The following SLC1A2 variants were observed in gnomAD, a reference collection of about 807,000 sequenced individuals.
SLC1A2 encodes the protein excitatory amino acid transporter 2.
Under a neutral mutation model 48.8 loss-of-function variants are expected in SLC1A2, and 15 were observed. The observed-to-expected ratio is 0.31, with a 90% CI of 0.21 to 0.47. The LOEUF (loss-of-function observed/expected upper bound fraction) is 0.47, where lower values mean the gene tolerates loss of function less well. Ranked by LOEUF, SLC1A2 falls within the 20% of genes least tolerant of loss-of-function variation. The pLI, the probability that SLC1A2 is intolerant of heterozygous loss-of-function variation, is 0.99. For synonymous variants in SLC1A2, 279 were observed against 272.6 expected (o/e 1.02, Z -0.23); for missense variants, 502 against 730.5 (o/e 0.69, Z 3.61).
intron 1 of SLC1A2, among the ~76,000 whole-genome samples, chr11:35,376,893 A>G (rs2135187617): frequency 6.6e-6 from 1 of 152,316 alleles, no homozygotes; most frequent in East Asian, 1.9e-4. Flanking sequence ...CTGCACATTG[A>G]TGGAAGCTGC....
chr11:35,280,483 G>T, intron 9 of SLC1A2: 1 of 163,558 alleles, frequency 6.1e-6, no homozygotes, highest in Admixed American at 6.4e-5. Context: ...TCTTTCTATT[G>T]ATATGTGGTA....
At chr11:35,411,599 G>T (rs1461196143) in intron 1 of SLC1A2, among the ~76,000 whole-genome samples, 1 of 152,172 alleles carries the variant, frequency 6.6e-6, no homozygotes, top group African/African-American at 2.4e-5. Flanking sequence ...AGGACTACAG[G>T]TGCACACCAC....
chr11:35,304,602 T>C (rs544748200), intron 5 of SLC1A2, among the ~76,000 whole-genome samples: 83 of 152,234 alleles, frequency 5.5e-4, no homozygotes, highest in Non-Finnish European at 1.0e-3. Context: ...AGCTCATCTC[T>C]TCCCTCACTC....
rs1196196694 is a variant in SLC1A2, at chr11:35,265,661, G to C, written c.1519C>G (p.Gln507Glu). 1 of 1,612,896 alleles carries C rather than the reference G, an allele frequency of 6.2e-7. No individual in the cohort carries two copies. The highest frequency in any genetic ancestry group is 8.5e-7 in the Non-Finnish European group (1 of 1,178,952). Residue 507 changes from glutamine to glutamate, a missense_variant, in exon 10 of 11, where the codon CAG becomes GAG. By Grantham distance (29) the Gln-to-Glu change is conservative. Transcript: ENST00000278379. ...TCAATATCTTCATGCACTCGATGCT[G>C]GGAGTCAATGGTATCCAGCTCAGAC... Reference protein sequence around the residue: ...SKSELDTIDSQHRVHEDIEMT... With the variant: ...SKSELDTIDSEHRVHEDIEMT...
intron 1 of SLC1A2, among the ~76,000 whole-genome samples, chr11:35,334,406 G>T (rs999381343): frequency 8.5e-5 from 13 of 152,142 alleles, no homozygotes; most frequent in African/African-American, 3.1e-4. Flanking sequence ...TTATTCACCA[G>T]GCTACAAGCA....
intron 8 of SLC1A2, 55 bp downstream of exon 8, chr11:35,286,702 G>C (rs1258253428): frequency 1.5e-6 from 2 of 1,327,272 alleles, no homozygotes; most frequent in Non-Finnish European, 1.1e-6. Context: ...CATGGAGTTA[G>C]TGTGGAGGGG....
At chr11:35,350,874 A>T (rs1853225477) in intron 1 of SLC1A2, among the ~76,000 whole-genome samples, 1 of 152,144 alleles carries the variant, frequency 6.6e-6, no homozygotes, top group African/African-American at 2.4e-5. Flanking sequence ...GAGCCTTAAG[A>T]TTTCATTCTT....
chr11:35,279,985 C>T (rs1850571762), intron 9 of SLC1A2, among the ~76,000 whole-genome samples: 1 of 152,174 alleles, frequency 6.6e-6, no homozygotes, highest in Non-Finnish European at 1.5e-5. Context: ...GCATAATTTA[C>T]ATACAACAAA....
rs541841211 is a variant in SLC1A2, at chr11:35,262,095, G to A, written c.1654-1130C>T. Among the ~76,000 whole-genome samples the A allele has an allele frequency of 1.6e-4, 25 of 152,334 alleles. No individual in the cohort carries two copies. The South Asian group carries it at 5.2e-3, about 32-fold the overall frequency. On this transcript the variant is annotated intron_variant, in intron 10 of 10. Transcript: ENST00000278379. ...AGACCAACAAGACATAACAATGCTT[G>A]AAATGGTTAAAGTTTTGACCAGAGC...
chr11:35,339,964 T>C (rs1363822290), intron 1 of SLC1A2, among the ~76,000 whole-genome samples: 1 of 152,236 alleles, frequency 6.6e-6, no homozygotes, highest in Non-Finnish European at 1.5e-5. Flanking sequence ...ATCAAAAATA[T>C]ATTTAACGAC....
intron 1 of SLC1A2, among the ~76,000 whole-genome samples, chr11:35,368,580 C>T (rs754366049): frequency 2.3e-4 from 35 of 152,176 alleles, no homozygotes; most frequent in Non-Finnish European, 4.6e-4. Flanking sequence ...GCTCACGTAG[C>T]CTTGCTTTTC....
Position 35,257,501 on chromosome 11 carries a change from C to A in SLC1A2, c.*3393G>T, listed in dbSNP as rs543312288. 5 of 152,304 alleles carry A rather than the reference C, an allele frequency of 3.3e-5. No homozygotes were observed. The highest frequency in any genetic ancestry group is 7.3e-5 in the Non-Finnish European group (5 of 68,030). The allele number at this position is 152,304 out of a possible 1,614,324, so 9.4% of individuals were successfully genotyped here. A position where few individuals can be genotyped will look rare whatever the true frequency, so the allele number is the denominator to read the frequency against. ...TAGCTATGTGGTTCAGCTCTCATAA[C>A]CTAGAGTCCTATGTTGAAGATCTGT... On this transcript the variant is annotated 3_prime_UTR_variant, in exon 11 of 11. Transcript: ENST00000278379.
intron 1 of SLC1A2, among the ~76,000 whole-genome samples, chr11:35,415,458 T>C (rs1350469001): frequency 6.6e-6 from 1 of 152,152 alleles, no homozygotes; most frequent in Non-Finnish European, 1.5e-5. Flanking sequence ...TTATTGAAAA[T>C]GAGAAATGAA....
chr11:35,414,713 G>A (rs1057206974), intron 1 of SLC1A2, among the ~76,000 whole-genome samples: 3 of 152,206 alleles, frequency 2.0e-5, no homozygotes, highest in Non-Finnish European at 2.9e-5. Context: ...TGTTTCTTCA[G>A]ACTGCGAAGA....
At chr11:35,367,936 T>C (rs1853909711) in intron 1 of SLC1A2, among the ~76,000 whole-genome samples, 1 of 152,206 alleles carries the variant, frequency 6.6e-6, no homozygotes, top group African/African-American at 2.4e-5. Flanking sequence ...AAAACCATTT[T>C]TTACTGAATT....
chr11:35,264,591 C>T (rs1158533299), intron 10 of SLC1A2, among the ~76,000 whole-genome samples: 2 of 152,202 alleles, frequency 1.3e-5, no homozygotes, highest in Admixed American at 6.5e-5. Context: ...AATTAGCACC[C>T]AACAGCTTGG....
At chr11:35,361,967 G>A (rs911202273) in intron 1 of SLC1A2, among the ~76,000 whole-genome samples, 17 of 152,194 alleles carry the variant, frequency 1.1e-4, no homozygotes, top group Admixed American at 1.0e-3. Flanking sequence ...TAGACACAGT[G>A]AGACCCTGTC....
intron 1 of SLC1A2, among the ~76,000 whole-genome samples, chr11:35,392,919 A>G (rs1854827651): frequency 6.6e-6 from 1 of 152,200 alleles, no homozygotes; most frequent in Non-Finnish European, 1.5e-5. Flanking sequence ...AGAATATTTC[A>G]AAATAGCCAC....
chr11:35,363,212 G>C (rs1853737965), intron 1 of SLC1A2, among the ~76,000 whole-genome samples: 1 of 152,184 alleles, frequency 6.6e-6, no homozygotes, highest in Non-Finnish European at 1.5e-5. Flanking sequence ...GAAGCCAGGA[G>C]TGGCTGCAGG....
Sources: gnomAD v4.1 joint callset for allele counts (sites outside exome capture counted in the v4.1 genomes callset) on GRCh38, gnomAD v4.1.1 for gene constraint, MANE v1.5 for transcripts, NCBI Gene and HGNC (gene_info 2026-07-23, HGNC 2026-07-21) for gene names.